The following PTPRG variants were observed in gnomAD, a reference collection of about 807,000 sequenced individuals.
PTPRG encodes the protein protein tyrosine phosphatase receptor type G.
PTPRG carries 102 observed loss-of-function variants against 165.3 expected under a neutral mutation model. The observed-to-expected ratio is 0.62, with a 90% CI of 0.53 to 0.73. PTPRG has a LOEUF of 0.73. Ranked by LOEUF, PTPRG falls within the 30% of genes least tolerant of loss-of-function variation. PTPRG has a pLI of 0.00. For synonymous variants in PTPRG, 675 were observed against 669.5 expected, an observed-to-expected ratio of 1.01 and a Z score of -0.13; for missense variants, 1,866 against 1,861.4, an observed-to-expected ratio of 1.00 and a Z score of -0.05.
chr3:61,956,597 C>G (rs2040037214), intron 2 of PTPRG, among the ~76,000 whole-genome samples: 2 of 152,002 alleles, frequency 1.3e-5, no homozygotes, highest in Non-Finnish European at 2.9e-5. Context: ...ATGCCAGTCA[C>G]CATATCTGGA....
At chr3:61,798,123 T>G (rs1295464139) in intron 2 of PTPRG, among the ~76,000 whole-genome samples, 1 of 152,198 alleles carries the variant, frequency 6.6e-6, no homozygotes, top group Non-Finnish European at 1.5e-5. Context: ...TTGCATAAAT[T>G]ATCTCTTATA....
intron 8 of PTPRG, among the ~76,000 whole-genome samples, chr3:62,183,223 C>A (rs935254631): frequency 2.6e-5 from 4 of 152,196 alleles, no homozygotes; most frequent in Admixed American, 2.0e-4. Flanking sequence ...AATGTTCTAA[C>A]AGCCCAGAGC....
rs151092428 is a variant in PTPRG, at chr3:62,294,040, G to A, written c.*733G>A. 2.6e-5 allele frequency: 4 copies of A among 152,450 alleles called. No homozygotes were observed. The highest frequency in any genetic ancestry group is 5.9e-5 in the Non-Finnish European group (4 of 67,982). 9.4% of individuals were successfully genotyped at this position (152,450 alleles called of 1,614,324 possible). ...TTCACAGTAGCTATGTGGACAATGT[G>A]TTATTTCCATTTTGACTCTCTAAAA... On this transcript the variant is annotated 3_prime_UTR_variant, in exon 30 of 30. Transcript: ENST00000474889.
chr3:61,791,433 G>GC (rs1180139439), intron 2 of PTPRG, among the ~76,000 whole-genome samples: 1 of 152,164 alleles, frequency 6.6e-6, no homozygotes, highest in Non-Finnish European at 1.5e-5. Context: ...CCTGTTTGAG[G>GC]CAAGAGTTGG....
At chr3:61,875,246 A>C (rs1023217499) in intron 2 of PTPRG, among the ~76,000 whole-genome samples, 2 of 152,076 alleles carry the variant, frequency 1.3e-5, no homozygotes, top group African/African-American at 4.8e-5. Context: ...TTTAGGCCAC[A>C]TTCTGGTTCT....
chr3:61,895,920 A>G (rs943188674), intron 2 of PTPRG, among the ~76,000 whole-genome samples: 1 of 152,186 alleles, frequency 6.6e-6, no homozygotes, highest in African/African-American at 2.4e-5. Flanking sequence ...AAAAAATAAT[A>G]CAGAGATATC....
chr3:61,800,307 C>T (rs1268557398), intron 2 of PTPRG, among the ~76,000 whole-genome samples: 1 of 151,996 alleles, frequency 6.6e-6, no homozygotes, highest in African/African-American at 2.4e-5. Context: ...ATTACAGCTC[C>T]AATTTCAAAA....
intron 12 of PTPRG, among the ~76,000 whole-genome samples, chr3:62,205,618 G>T (rs561881285): frequency 3.3e-5 from 5 of 152,300 alleles, no homozygotes; most frequent in African/African-American, 1.2e-4. Context: ...GATCCAGGGA[G>T]GGGAATTCTG....
chr3:62,116,975 A>G (rs538916541), intron 5 of PTPRG, among the ~76,000 whole-genome samples: 2 of 152,334 alleles, frequency 1.3e-5, no homozygotes, highest in Admixed American at 6.5e-5. Flanking sequence ...TTAAAGGTTC[A>G]CAGGCACCAA....
chr3:61,678,830 C>T (rs1703326781), intron 1 of PTPRG, among the ~76,000 whole-genome samples: 2 of 152,108 alleles, frequency 1.3e-5, no homozygotes, highest in South Asian at 2.1e-4. Flanking sequence ...AGTAAATGCC[C>T]ATTGTAATAC....
intron 7 of PTPRG, among the ~76,000 whole-genome samples, chr3:62,161,007 A>C (rs1270192033): frequency 1.3e-5 from 2 of 151,944 alleles, no homozygotes; most frequent in Non-Finnish European, 2.9e-5. Flanking sequence ...TTTGGAGGCA[A>C]ACTGCCTGGG....
At chr3:61,770,312 C>T in intron 2 of PTPRG, 1 of 152,176 alleles carries the variant, frequency 6.6e-6, no homozygotes. Context: ...TTTTTAGACA[C>T]TGGCTACCTT....
intron 5 of PTPRG, among the ~76,000 whole-genome samples, chr3:62,115,667 T>C (rs1702837930): frequency 6.6e-6 from 1 of 151,434 alleles, no homozygotes; most frequent in African/African-American, 2.4e-5. Context: ...AGACAGGATC[T>C]CACTCTGTCA....
intron 1 of PTPRG, among the ~76,000 whole-genome samples, chr3:61,638,157 A>G (rs963041812): frequency 1.5e-4 from 23 of 152,334 alleles, no homozygotes; most frequent in Middle Eastern, 3.4e-3. Context: ...TGGCCTTATA[A>G]AAACCAAAAA....
At chr3:61,920,359 G>A (rs754490628) in intron 2 of PTPRG, among the ~76,000 whole-genome samples, 43 of 152,158 alleles carry the variant, frequency 2.8e-4, no homozygotes, top group Non-Finnish European at 3.2e-4. Context: ...TCGGATAGTT[G>A]TAGTTCTCCA....
chr3:62,208,757 C>G (rs914731165), intron 12 of PTPRG, among the ~76,000 whole-genome samples: 1 of 152,212 alleles, frequency 6.6e-6, no homozygotes, highest in Non-Finnish European at 1.5e-5. Flanking sequence ...CTCTTAAGCA[C>G]TAAGGAACTC....
intron 2 of PTPRG, among the ~76,000 whole-genome samples, chr3:61,774,994 G>A (rs951155089): frequency 3.2e-4 from 48 of 152,116 alleles, no homozygotes; most frequent in African/African-American, 1.1e-3. Flanking sequence ...ATTCCCAACA[G>A]GTGACCTCCT....
chr3:61,883,366 C>A (rs886372676), intron 2 of PTPRG, among the ~76,000 whole-genome samples: 2 of 152,116 alleles, frequency 1.3e-5, no homozygotes, highest in African/African-American at 4.8e-5. Context: ...CCCTGTGGTT[C>A]TCCACCTGGG....
intron 2 of PTPRG, among the ~76,000 whole-genome samples, chr3:61,936,616 GC>G (rs1282146464): frequency 1.3e-5 from 2 of 152,174 alleles, no homozygotes; most frequent in African/African-American, 4.8e-5. Flanking sequence ...GTTGAGATGG[GC>G]TAATTTTCAT....
Sources: allele counts gnomAD v4.1 joint callset (sites outside exome capture counted in the v4.1 genomes callset), GRCh38; gene constraint gnomAD v4.1.1; transcripts MANE v1.5; gene names NCBI Gene and HGNC (gene_info 2026-07-23, HGNC 2026-07-21).